The following STAT1 variants were observed in gnomAD, a reference collection of about 807,000 sequenced individuals.
STAT1 encodes the protein signal transducer and activator of transcription 1, also known as signal transducer and activator of transcription 1-alpha/beta.
Under a neutral mutation model 111.7 loss-of-function variants are expected in STAT1, and 24 were observed. That is an observed-to-expected ratio of 0.21 (90% CI 0.16 to 0.30). STAT1 has a LOEUF of 0.30. STAT1 is among the 10% of genes least tolerant of loss of function. The pLI is 1.00. For missense variants in STAT1, 351 were observed against 911.9 expected (o/e 0.38, Z 7.92); for synonymous variants, 332 against 326.5 (o/e 1.02, Z -0.18).
At chr2:191,002,387 G>A (rs1206735995) in intron 5 of STAT1, among the ~76,000 whole-genome samples, 3 of 152,054 alleles carry the variant, frequency 2.0e-5, no homozygotes, top group African/African-American at 7.2e-5. Flanking sequence ...TTATTCATAA[G>A]CCTGAACCCT....
rs971273238 is a variant in STAT1, at chr2:190,982,101, A to G, written c.1582+282T>C. Among the ~76,000 whole-genome samples the G allele has an allele frequency of 2.6e-5, 4 of 152,260 alleles. No individual in the cohort carries two copies. Among genetic ancestry groups the G allele is most frequent in the African/African-American group, 9.6e-5 (4 of 41,462 alleles). ...CCAGGAACTTATTTCAGCCACAAAT[A>G]ATATATTTTACATAATTCATAAAAC... On this transcript the variant is annotated intron_variant, in intron 18 of 24. Coordinates refer to ENST00000361099, the MANE Select transcript of STAT1 (RefSeq NM_007315.4). The surrounding 1 kb of genome is among the most constrained non-coding windows in gnomAD (Gnocchi z 7.3).
rs530762925 is a variant in STAT1 at position 190,993,411 on chromosome 2, T to C, written c.944+1650A>G. 10 of 1,394,314 alleles carry C rather than the reference T, an allele frequency of 7.2e-6. No homozygotes were observed. The highest frequency in any genetic ancestry group is 7.1e-5 in the East Asian group (3 of 42,076). The allele number at this position is 1,394,314 out of a possible 1,614,324, so 86.4% of individuals were successfully genotyped here. A position where few individuals can be genotyped will look rare whatever the true frequency, so the allele number is the denominator to read the frequency against. On this transcript the variant is annotated intron_variant, in intron 10 of 24. Transcript: ENST00000361099. The surrounding 1 kb of genome is among the most constrained non-coding windows in gnomAD (Gnocchi z 4.1). ...TTGATTGTTTTCCCGTCTAACTCTA[T>C]AGTTCTTATTTTGAAATCCATACCA...
Position 190,998,453 on chromosome 2 carries a change from G to GA in STAT1, c.542-146dup. 3 of 704,094 alleles carry GA rather than the reference G, an allele frequency of 4.3e-6. No individual in the cohort carries two copies. Among genetic ancestry groups the GA allele is most frequent in the Non-Finnish European group, 7.5e-6 (3 of 401,060 alleles). The allele number at this position is 704,094 out of a possible 1,614,324, so 43.6% of individuals were successfully genotyped here. On this transcript the variant is annotated intron_variant, in intron 7 of 24. Transcript: ENST00000361099. This position sits in a 1 kb window ranked among gnomAD's most constrained non-coding sequence, Gnocchi z 4.1. ...GCTTTCTTCGATCTTTAATGAACAT[G>GA]AAAAAAAGTCCTAAGTATAACAACT... is the stretch of plus-strand genomic sequence containing the variant.
intron 4 of STAT1, chr2:191,008,057 G>A (rs4306740): frequency 3.1e-5 from 14 of 450,046 alleles, no homozygotes; most frequent in Non-Finnish European, 5.8e-5. Flanking sequence ...CTTTGAACTA[G>A]ACCAAAGATA....
Position 190,974,940 on chromosome 2 carries a change from G to A in STAT1, c.2136-8C>T. 6.2e-7 allele frequency: 1 copy of A among 1,607,824 alleles called. No individual in the cohort carries two copies. Among genetic ancestry groups the A allele is most frequent in the Non-Finnish European group, 8.5e-7 (1 of 1,174,380 alleles). On this transcript the variant is annotated splice_region_variant and splice_polypyrimidine_tract_variant and intron_variant, in intron 23 of 24. Transcript: ENST00000361099. This position sits in a 1 kb window ranked among gnomAD's most constrained non-coding sequence, Gnocchi z 4.8. ...TGAAGTCTAGAAGGGTGACTAAAAT[G>A]GGGAAAAAGAAAAGAGCAATGTCAA...
chr2:190,995,305 T>C lies in STAT1; in HGVS notation c.786-86A>G, dbSNP rs1322726154. Reference sequence around the variant, plus strand: ...AAGGGAATCATGGTATATTAGTCCATTCTCATGCTGCTAATAAAGACATAC... The same window carrying C: ...AAGGGAATCATGGTATATTAGTCCACTCTCATGCTGCTAATAAAGACATAC... On this transcript the variant is annotated intron_variant, in intron 9 of 24. Coordinates refer to ENST00000361099, the MANE Select transcript of STAT1 (RefSeq NM_007315.4). This position sits in a 1 kb window ranked among gnomAD's most constrained non-coding sequence, Gnocchi z 4.2. 4 of 1,298,720 alleles carry C rather than the reference T, an allele frequency of 3.1e-6. No individual in the cohort carries two copies. The highest frequency in any genetic ancestry group is 4.4e-6 in the Non-Finnish European group (4 of 899,298). 80.4% of individuals were successfully genotyped at this position (1,298,720 alleles called of 1,614,324 possible).
chr2:191,001,952 C>A (rs72909270), intron 5 of STAT1, among the ~76,000 whole-genome samples: 2 of 152,190 alleles, frequency 1.3e-5, no homozygotes, highest in East Asian at 1.9e-4. Flanking sequence ...ATCCCCCACA[C>A]AGCAAAAACT....
At position 190,987,079 on chromosome 2, in the gene STAT1, A is replaced by T. The variant is rs369780737; in HGVS notation, c.1098-11T>A. 760 of 1,596,062 alleles carry T rather than the reference A, an allele frequency of 4.8e-4. 2 individuals are homozygous for T. The highest frequency in any genetic ancestry group is 6.8e-4 in the Admixed American group (41 of 60,000). On this transcript the variant is annotated splice_polypyrimidine_tract_variant and intron_variant, in intron 12 of 24. Transcript: ENST00000361099. This position sits in a 1 kb window ranked among gnomAD's most constrained non-coding sequence, Gnocchi z 4.0. Reference sequence around the variant, plus strand: ...CTCTCATTCACATCTCTGCAAAAAAAATATATATAATCACATATGCGTATT... The same window carrying T: ...CTCTCATTCACATCTCTGCAAAAAATATATATATAATCACATATGCGTATT...
chr2:190,994,509 C>T (rs1187828633), intron 10 of STAT1, among the ~76,000 whole-genome samples: 2 of 151,940 alleles, frequency 1.3e-5, no homozygotes, highest in African/African-American at 4.8e-5. Flanking sequence ...AGGGTCACGG[C>T]GGAGACTCAG....
intron 6 of STAT1, 64 bp downstream of exon 6, chr2:191,001,010 A>C (rs188112436): frequency 1.5e-6 from 2 of 1,356,298 alleles, no homozygotes; most frequent in Admixed American, 1.7e-5. Context: ...ACCCCAAGCA[A>C]TTGAAACCTT....
chr2:190,997,794 A>G lies in STAT1; in HGVS notation c.785+62T>C, dbSNP rs1192024505. ...CATTCAACTAACACAGCTCAAAGGT[A>G]CATTTATGTGTTTATGTGGTTAGCC... is the stretch of plus-strand genomic sequence containing the variant. On this transcript the variant is annotated intron_variant, in intron 9 of 24. Coordinates refer to ENST00000361099, the MANE Select transcript of STAT1 (RefSeq NM_007315.4). The surrounding 1 kb of genome is among the most constrained non-coding windows in gnomAD (Gnocchi z 7.3). The G allele has an allele frequency of 6.2e-7, 1 of 1,609,314 alleles. No homozygotes were observed. The highest frequency in any genetic ancestry group is 8.5e-7 in the Non-Finnish European group (1 of 1,177,436).
At chr2:190,991,188 G>T (rs112873836) in intron 11 of STAT1, 40 bp downstream of exon 11, 2 of 1,591,152 alleles carry the variant, frequency 1.3e-6, no homozygotes, top group Non-Finnish European at 1.7e-6. Context: ...TACAAACTAC[G>T]TGACAGGTGA....
Position 190,974,979 on chromosome 2 carries a change from A to G in STAT1, c.2136-47T>C. ...GAGCAATGTCAACATCTGAGTGATG[A>G]AAGCACTAGTGCATACTTACACACT... is the stretch of plus-strand genomic sequence containing the variant. On this transcript the variant is annotated intron_variant, in intron 23 of 24. Transcript: ENST00000361099. This position sits in a 1 kb window ranked among gnomAD's most constrained non-coding sequence, Gnocchi z 4.8. 7.4e-7 allele frequency: 1 copy of G among 1,356,718 alleles called. No individual in the cohort carries two copies. The highest frequency in any genetic ancestry group is 1.1e-6 in the Non-Finnish European group (1 of 948,344). The allele number at this position is 1,356,718 out of a possible 1,614,324, so 84.0% of individuals were successfully genotyped here. A position where few individuals can be genotyped will look rare whatever the true frequency, so the allele number is the denominator to read the frequency against.
intron 10 of STAT1, among the ~76,000 whole-genome samples, chr2:190,994,845 G>A (rs1693694856): frequency 1.3e-5 from 2 of 150,276 alleles, no homozygotes; most frequent in Admixed American, 6.6e-5. Flanking sequence ...GAACTTGGGA[G>A]GTGGAGGTTG....
In STAT1 at chr2:190,983,585, G is replaced by GC. The variant is rs1692554273; in HGVS notation, c.1446+56_1446+57insG. ...TTGGGGCTATTTCAGAGATGCAGCA[G>GC]TGAGAGCGTGGGGTCTCTGCTTAAC... On this transcript the variant is annotated intron_variant, in intron 17 of 24. Coordinates refer to ENST00000361099, the MANE Select transcript of STAT1 (RefSeq NM_007315.4). The surrounding 1 kb of genome is among the most constrained non-coding windows in gnomAD (Gnocchi z 5.7). The GC allele has an allele frequency of 6.8e-7, 1 of 1,469,354 alleles. No homozygotes were observed. Among genetic ancestry groups the GC allele is most frequent in the African/African-American group, 1.4e-5 (1 of 71,980 alleles). The allele number at this position is 1,469,354 out of a possible 1,614,324, so 91.0% of individuals were successfully genotyped here. A position where few individuals can be genotyped will look rare whatever the true frequency, so the allele number is the denominator to read the frequency against.
chr2:190,987,823 G>T lies in STAT1; in HGVS notation c.1098-755C>A, dbSNP rs1380427610. Among the ~76,000 whole-genome samples, 3 of 151,988 alleles carry T rather than the reference G, an allele frequency of 2.0e-5. No individual in the cohort carries two copies. The highest frequency in any genetic ancestry group is 7.3e-5 in the African/African-American group (3 of 41,372). On this transcript the variant is annotated intron_variant, in intron 12 of 24. Coordinates refer to ENST00000361099, the MANE Select transcript of STAT1 (RefSeq NM_007315.4). This position sits in a 1 kb window ranked among gnomAD's most constrained non-coding sequence, Gnocchi z 4.0. ...TCAACCAGAAGTTCAATGCTTTTGT[G>T]AATGACAATCACCATTAGCTATGGA...
rs531006270 is a variant in STAT1 at position 190,981,551 on chromosome 2, A to C, written c.1582+832T>G. 6.6e-6 allele frequency among the ~76,000 whole-genome samples: 1 copy of C among 152,216 alleles called. No individual in the cohort carries two copies. The highest frequency in any genetic ancestry group is 3.2e-3 in the Middle Eastern group (1 of 316). ...CTTCTTAACTCTCACCAAATAAAGA[A>C]ATGGAATAAGGGGATTTTGTACTTG... On this transcript the variant is annotated intron_variant, in intron 18 of 24. Coordinates refer to ENST00000361099, the MANE Select transcript of STAT1 (RefSeq NM_007315.4). This position sits in a 1 kb window ranked among gnomAD's most constrained non-coding sequence, Gnocchi z 4.1.
chr2:191,010,254 G>A (rs1173266852), intron 2 of STAT1: 13 of 500,414 alleles, frequency 2.6e-5, no homozygotes, highest in Non-Finnish European at 5.1e-5. Context: ...TATCAGGGCA[G>A]CCTTCTCTGG....
intron 4 of STAT1, among the ~76,000 whole-genome samples, chr2:191,008,363 T>C (rs1179886574): frequency 6.6e-6 from 1 of 152,204 alleles, no homozygotes; most frequent in African/African-American, 2.4e-5. Context: ...ATAAATATGA[T>C]AGCCACCCCA....
Sources: gnomAD v4.1 joint callset for allele counts (sites outside exome capture counted in the v4.1 genomes callset) on GRCh38, gnomAD v4.1.1 for gene constraint, Gnocchi (gnomAD v3.1) non-coding constraint, MANE v1.5 for transcripts, NCBI Gene and HGNC (gene_info 2026-07-23, HGNC 2026-07-21) for gene names.